Variants in IQUB observed in about 807,000 individuals in gnomAD.
IQUB encodes IQ motif and ubiquitin domain containing.
Under a neutral mutation model 86.4 loss-of-function variants are expected in IQUB, and 86 were observed. The ratio of observed to expected loss-of-function variants is 1.00; its 90% CI spans 0.84 to 1.19. The LOEUF (loss-of-function observed/expected upper bound fraction) is 1.19. Among genes scored for constraint, IQUB ranks in the 50% most tolerant of loss-of-function variants. The pLI is 0.00. For missense variants in IQUB, 946 were observed against 916.9 expected (o/e 1.03, Z -0.41); for synonymous variants, 289 against 304.5 (o/e 0.95, Z 0.53).
At chr7:123,525,014 C>A (rs1015383000) in intron 1 of IQUB, among the ~76,000 whole-genome samples, 1 of 152,078 alleles carries the variant, frequency 6.6e-6, no homozygotes, top group African/African-American at 2.4e-5. Flanking sequence ...TATTGATTTG[C>A]GTATATTGAA....
chr7:123,525,001 A>T (rs983477862), intron 1 of IQUB, among the ~76,000 whole-genome samples: 1 of 152,266 alleles, frequency 6.6e-6, no homozygotes, highest in African/African-American at 2.4e-5. Context: ...GCTGGATTAC[A>T]TTTATTGATT....
At chr7:123,469,443 T>C (rs1181882947) in intron 8 of IQUB, 59 bp from the exon 9 acceptor site, 1 of 972,764 alleles carries the variant, frequency 1.0e-6, no homozygotes, top group Admixed American at 2.9e-5. Flanking sequence ...TATAACAATT[T>C]TGCTCCTTCT....
intron 11 of IQUB, chr7:123,458,107 T>A (rs1793802221): frequency 6.6e-6 from 1 of 151,990 alleles, no homozygotes; most frequent in Non-Finnish European, 1.5e-5. Flanking sequence ...GAAGTTGAGA[T>A]TTAATAAAGA....
chr7:123,460,991 TTCTATAAG>T (rs1255031657), intron 11 of IQUB, among the ~76,000 whole-genome samples: 1 of 151,772 alleles, frequency 6.6e-6, no homozygotes, highest in Non-Finnish European at 1.5e-5. Flanking sequence ...TTTTTTTACT[TTCTATAAG>T]CCTTAGCTTT....
chr7:123,482,083 A>C (rs1795034219), intron 7 of IQUB, among the ~76,000 whole-genome samples: 1 of 152,034 alleles, frequency 6.6e-6, no homozygotes, highest in Non-Finnish European at 1.5e-5. Context: ...TGGGGGGGAG[A>C]ACCTCAAAAC....
chr7:123,467,664 A>G (rs763760133), intron 9 of IQUB, among the ~76,000 whole-genome samples: 1 of 152,186 alleles, frequency 6.6e-6, no homozygotes, highest in African/African-American at 2.4e-5. Flanking sequence ...AGAATACTTT[A>G]TAGTTGGCAC....
At chr7:123,525,668 A>C (rs540691798) in intron 1 of IQUB, among the ~76,000 whole-genome samples, 29 of 152,110 alleles carry the variant, frequency 1.9e-4, no homozygotes, top group South Asian at 6.2e-4. Context: ...GGATTCATTA[A>C]TTTTTTGAAG....
chr7:123,496,864 T>C lies in IQUB; in HGVS notation c.1066A>G (p.Ile356Val), dbSNP rs1795728241. The C allele has an allele frequency of 6.2e-7, 1 of 1,612,224 alleles. No individual in the cohort carries two copies. Among genetic ancestry groups the C allele is most frequent in the South Asian group, 1.1e-5 (1 of 91,012 alleles). Reference protein sequence around the residue: ...QTYYRQWHAKIFVENLRRQKS... With the variant: ...QTYYRQWHAKVFVENLRRQKS... ...TGTCTTCTTAAATTCTCTACGAAGA[T>C]TTTAGCATGCCATTGCCTGTAGTAA... The change falls in exon 7 of 13, where the codon ATC (isoleucine) becomes GTC (valine). Residue 356 changes from isoleucine to valine, a missense_variant. By Grantham distance (29) the Ile-to-Val change is conservative (BLOSUM62 3). Transcript: ENST00000324698.
intron 11 of IQUB, among the ~76,000 whole-genome samples, chr7:123,460,179 C>T (rs939889018): frequency 6.6e-6 from 1 of 151,928 alleles, no homozygotes; most frequent in African/African-American, 2.4e-5. Flanking sequence ...CCACTCAGTG[C>T]TTCCCTTTCC....
chr7:123,511,854 A>G (rs71574747), intron 2 of IQUB, 90 bp downstream of exon 2: 1 of 1,019,616 alleles, frequency 9.8e-7, no homozygotes, highest in Non-Finnish European at 1.4e-6. Context: ...CAAATATAAA[A>G]CAAATCTTTA....
At chr7:123,531,089 C>T (rs2098992641) in intron 1 of IQUB, among the ~76,000 whole-genome samples, 1 of 151,998 alleles carries the variant, frequency 6.6e-6, no homozygotes, top group African/African-American at 2.4e-5. Context: ...GGTTCGGATC[C>T]ATAATCAAAT....
intron 10 of IQUB, among the ~76,000 whole-genome samples, chr7:123,464,579 C>T (rs886447627): frequency 1.3e-5 from 2 of 151,720 alleles, no homozygotes; most frequent in African/African-American, 2.4e-5. Flanking sequence ...ATACATTCAA[C>T]GTAATGCAAT....
intron 11 of IQUB, chr7:123,458,033 G>C (rs1393824999): frequency 1.3e-5 from 2 of 156,236 alleles, no homozygotes; most frequent in African/African-American, 4.9e-5. Flanking sequence ...CCTTGTCCAA[G>C]GGCCATGCTA....
chr7:123,530,001 C>A (rs1364156864), intron 1 of IQUB, among the ~76,000 whole-genome samples: 2 of 151,880 alleles, frequency 1.3e-5, no homozygotes, highest in African/African-American at 4.8e-5. Flanking sequence ...CCACTGCACT[C>A]CAGCCTGGCG....
intron 1 of IQUB, among the ~76,000 whole-genome samples, chr7:123,513,502 C>T (rs1446235077): frequency 6.6e-6 from 1 of 152,086 alleles, no homozygotes; most frequent in African/African-American, 2.4e-5. Flanking sequence ...AACAAAGATG[C>T]ATTGGAGACT....
rs1445430190 is a variant in IQUB, at chr7:123,502,667, A to T, written c.953T>A (p.Met318Lys). 1 of 1,612,624 alleles carries T rather than the reference A, an allele frequency of 6.2e-7. No homozygotes were observed. The highest frequency in any genetic ancestry group is 8.5e-7 in the Non-Finnish European group (1 of 1,179,028). Reference protein sequence around the residue: ...MTNIGVYVSNMTDKLVTPGKY... With the variant: ...MTNIGVYVSNKTDKLVTPGKY... ...TCCTGGTGTTACCAGTTTATCAGTC[A>T]TATTTGATACATATACACCAATGTT... The change falls in exon 6 of 13, where the codon ATG (methionine) becomes AAG (lysine). Residue 318 changes from methionine (M) to lysine (K), a missense_variant. Physicochemically the swap from Met to Lys is moderately conservative, Grantham distance 95. Transcript: ENST00000324698.
intron 1 of IQUB, among the ~76,000 whole-genome samples, chr7:123,529,592 T>C (rs1226469919): frequency 6.6e-6 from 1 of 151,316 alleles, no homozygotes; most frequent in Non-Finnish European, 1.5e-5. Context: ...TCTATATTAA[T>C]TTTTAAATTT....
chr7:123,468,589 T>G (rs1038574727), intron 9 of IQUB, among the ~76,000 whole-genome samples: 2 of 152,214 alleles, frequency 1.3e-5, no homozygotes, highest in Admixed American at 6.5e-5. Flanking sequence ...AGGACAACTC[T>G]GGATGGCCTT....
At chr7:123,490,498 T>G (rs4731108) in intron 7 of IQUB, among the ~76,000 whole-genome samples, 24,925 of 152,044 alleles carry the variant, frequency 0.16, 2,242 homozygotes, top group South Asian at 0.26. Flanking sequence ...AAATGGGAAA[T>G]TTGTAAAAAT....
Sources: allele counts gnomAD v4.1 joint callset (sites outside exome capture counted in the v4.1 genomes callset), GRCh38; gene constraint gnomAD v4.1.1; transcripts MANE v1.5; gene names NCBI Gene and HGNC (gene_info 2026-07-23, HGNC 2026-07-21).